Variants in VWA5B1 observed in about 807,000 individuals in gnomAD.
VWA5B1 encodes von Willebrand factor A domain-containing protein 5B1.
In VWA5B1, 115 loss-of-function variants were observed where a neutral mutation model predicts 118.2. The ratio of observed to expected loss-of-function variants is 0.97; its 90% CI spans 0.84 to 1.14. The LOEUF (loss-of-function observed/expected upper bound fraction) is 1.14, where lower values mean the gene tolerates loss of function less well. Among genes scored for constraint, VWA5B1 ranks in the 50% most tolerant of loss-of-function variants. The pLI, the probability that VWA5B1 is intolerant of heterozygous loss-of-function variation, is 0.00. For missense variants in VWA5B1, 1,596 were observed against 1,603.8 expected (o/e 1.00, Z 0.08); for synonymous variants, 682 against 658.4 (o/e 1.04, Z -0.55).
chr1:20,291,966 T>TG (rs1167804054), intron 1 of VWA5B1, among the ~76,000 whole-genome samples: 1 of 152,200 alleles, frequency 6.6e-6, no homozygotes, highest in Admixed American at 6.5e-5. Flanking sequence ...AGGAGGCCTG[T>TG]GGGGCGGGGG....
At chr1:20,297,996 A>ATTTTTTTTTTTTTTTTTTTT (rs60497976) in intron 1 of VWA5B1, among the ~76,000 whole-genome samples, 10 of 126,640 alleles carry the variant, frequency 7.9e-5, no homozygotes, top group African/African-American at 1.2e-4. Flanking sequence ...TCGGTGGTGG[A>ATTTTTTTTTTTTTTTTTTTT]TTTTTTTTTT....
chr1:20,327,913 G>A lies in VWA5B1; in HGVS notation c.1167G>A (p.Lys389=). 1 of 1,551,584 alleles carries A rather than the reference G, an allele frequency of 6.4e-7. No homozygotes were observed. Among genetic ancestry groups the A allele is most frequent in the Non-Finnish European group, 8.7e-7 (1 of 1,146,986 alleles). Residue 389 remains lysine (K), a synonymous_variant, in exon 9 of 22, where the codon AAG becomes AAA. Coordinates refer to ENST00000289815, the MANE Select transcript of VWA5B1 (RefSeq NM_001039500.3). ...RVKDAMLVAL[K]SLMPACLFNI... ...AGGATGCCATGTTGGTGGCCCTTAAGAGCCTCATGCCAGCCTGCCTCTTCA... is the reference window on the plus strand; with the variant it reads ...AGGATGCCATGTTGGTGGCCCTTAAAAGCCTCATGCCAGCCTGCCTCTTCA...
At chr1:20,318,240 G>A (rs1035694763) in intron 5 of VWA5B1, among the ~76,000 whole-genome samples, 1 of 151,654 alleles carries the variant, frequency 6.6e-6, no homozygotes, top group Non-Finnish European at 1.5e-5. Context: ...CCAGTGTGAG[G>A]TGCGTTTATG....
chr1:20,293,659 G>A (rs962063768), intron 1 of VWA5B1, among the ~76,000 whole-genome samples: 1 of 152,250 alleles, frequency 6.6e-6, no homozygotes, highest in Non-Finnish European at 1.5e-5. Context: ...GAAGCTGACA[G>A]ACATCCCTGG....
At chr1:20,318,567 C>T in intron 5 of VWA5B1, 23 bp from the exon 6 acceptor site, 1 of 1,551,126 alleles carries the variant, frequency 6.4e-7, no homozygotes, top group Non-Finnish European at 8.7e-7. Flanking sequence ...CCTATATCCC[C>T]CTTGCCTTTC....
At chr1:20,319,575 G>A (rs1481152986) in intron 7 of VWA5B1, 69 bp downstream of exon 7, 1 of 1,534,938 alleles carries the variant, frequency 6.5e-7, no homozygotes, top group African/African-American at 1.4e-5. Context: ...GGTCTCCACT[G>A]AACAAGTGAG....
At chr1:20,292,793 A>G (rs547349352) in intron 1 of VWA5B1, among the ~76,000 whole-genome samples, 10 of 152,292 alleles carry the variant, frequency 6.6e-5, no homozygotes, top group African/African-American at 2.2e-4. Context: ...ATAGTGCTTC[A>G]GTTGTCTCCA....
At chr1:20,322,167 C>A (rs12028237) in intron 7 of VWA5B1, among the ~76,000 whole-genome samples, 1 of 151,956 alleles carries the variant, frequency 6.6e-6, no homozygotes, top group Non-Finnish European at 1.5e-5. Flanking sequence ...GGATGGAATG[C>A]GTGGAGTGAG....
intron 17 of VWA5B1, among the ~76,000 whole-genome samples, chr1:20,346,071 T>C (rs2090001531): frequency 1.3e-5 from 2 of 152,180 alleles, no homozygotes; most frequent in Admixed American, 1.3e-4. Flanking sequence ...TGTGCTATAT[T>C]TTACAAAATA....
rs1418398182 is a variant in VWA5B1, at chr1:20,337,628, A to T, written c.1943-18A>T. ...TGCTGTCCCACTCTGATGGTTCCCC[A>T]TCACTATCCCTGTCCAGATCTGAAC... On this transcript the variant is annotated intron_variant, in intron 13 of 21. Coordinates refer to ENST00000289815, the MANE Select transcript of VWA5B1 (RefSeq NM_001039500.3). 37 of 1,539,506 alleles carry T rather than the reference A, an allele frequency of 2.4e-5. No homozygotes were observed. The highest frequency in any genetic ancestry group is 3.3e-5 in the Non-Finnish European group (37 of 1,138,386).
At chr1:20,292,633 G>A (rs1462495773) in intron 1 of VWA5B1, among the ~76,000 whole-genome samples, 1 of 152,186 alleles carries the variant, frequency 6.6e-6, no homozygotes, top group Non-Finnish European at 1.5e-5. Flanking sequence ...GAGTGCAGTG[G>A]CATGCGTGTG....
At chr1:20,352,629 G>A (rs536984550) in intron 21 of VWA5B1, among the ~76,000 whole-genome samples, 4 of 152,334 alleles carry the variant, frequency 2.6e-5, no homozygotes, top group South Asian at 4.1e-4. Flanking sequence ...CAGGGTGAGA[G>A]ACTCAGGTCT....
At chr1:20,343,436 G>T (rs928986774) in intron 16 of VWA5B1, 43 bp downstream of exon 16, 2 of 1,474,982 alleles carry the variant, frequency 1.4e-6, no homozygotes, top group Admixed American at 2.2e-5. Flanking sequence ...ACGGCCTCCG[G>T]AGGACAGCCC....
rs757097167 is a variant in VWA5B1, at chr1:20,323,374, C to T, written c.985C>T (p.Arg329Cys). 24 of 1,496,512 alleles carry T rather than the reference C, an allele frequency of 1.6e-5. 2 individuals carry two copies. The Middle Eastern group carries it at 2.2e-3, about 140-fold the overall frequency. The allele number at this position is 1,496,512 out of a possible 1,614,324, so 92.7% of individuals were successfully genotyped here. ...CTTCCAGACAGAAATCATTCGAAAA[C>T]GCCTCCACAAAGACATTCCCCACCA... ...AERKTEIIRK[R>C]LHKDIPHHSV... The change falls in exon 8 of 22, where the codon CGC (arginine) becomes TGC (cysteine). Residue 329 changes from arginine to cysteine, a missense_variant. By Grantham distance (180) the Arg-to-Cys change is radical. Coordinates refer to ENST00000289815, the MANE Select transcript of VWA5B1 (RefSeq NM_001039500.3).
chr1:20,327,422 G>T (rs542314083), intron 8 of VWA5B1, among the ~76,000 whole-genome samples: 1 of 152,274 alleles, frequency 6.6e-6, no homozygotes, highest in African/African-American at 2.4e-5. Flanking sequence ...TGATGCAGAA[G>T]GTCCCACAGG....
At chr1:20,321,113 CAA>C (rs4062863) in intron 7 of VWA5B1, among the ~76,000 whole-genome samples, 11 of 94,164 alleles carry the variant, frequency 1.2e-4, no homozygotes, top group Admixed American at 1.1e-4. Context: ...GTAACAGAGG[CAA>C]AAAAAAAAAA....
intron 13 of VWA5B1, 51 bp downstream of exon 13, chr1:20,336,537 T>C: frequency 7.7e-7 from 1 of 1,294,218 alleles, no homozygotes; most frequent in Non-Finnish European, 9.9e-7. Flanking sequence ...ACTTACTATG[T>C]GCTAAGCACT....
intron 16 of VWA5B1, 49 bp from the exon 17 acceptor site, chr1:20,345,407 G>T: frequency 6.5e-7 from 1 of 1,550,010 alleles, no homozygotes; most frequent in Non-Finnish European, 8.7e-7. Flanking sequence ...TTGTGTGTCA[G>T]GGAAGACTTT....
chr1:20,351,966 T>G (rs995064570), intron 20 of VWA5B1, 89 bp from the exon 21 acceptor site: 2 of 975,602 alleles, frequency 2.1e-6, no homozygotes, highest in East Asian at 5.4e-5. Flanking sequence ...GAGCCATCTA[T>G]TGCATTCCTT....
Sources: allele counts gnomAD v4.1 joint callset (sites outside exome capture counted in the v4.1 genomes callset), GRCh38; gene constraint gnomAD v4.1.1; transcripts MANE v1.5; gene names NCBI Gene and HGNC (gene_info 2026-07-23, HGNC 2026-07-21).